The following VSTM2L variants were observed in gnomAD, a reference collection of about 807,000 sequenced individuals.
VSTM2L encodes V-set and transmembrane domain-containing protein 2-like protein.
A neutral mutation model predicts 19.9 loss-of-function variants in VSTM2L; 9 were observed. That is an observed-to-expected ratio of 0.45 (90% CI 0.27 to 0.79). The LOEUF is 0.79. VSTM2L is among the 30% of genes least tolerant of loss of function. The probability of loss-of-function intolerance (pLI) is 0.15; values close to 1 mark genes in which losing one functional copy is unlikely to be tolerated. For synonymous variants in VSTM2L, 127 were observed against 133.8 expected (o/e 0.95, Z 0.35); for missense variants, 286 against 295.5 (o/e 0.97, Z 0.24).
At chr20:37,918,161 G>A (rs1203849084) in intron 1 of VSTM2L, among the ~76,000 whole-genome samples, 1 of 152,192 alleles carries the variant, frequency 6.6e-6, no homozygotes, top group East Asian at 1.9e-4. Context: ...AGCCACACTG[G>A]AAGAATCGGC....
At chr20:37,906,878 C>T (rs1254632412) in intron 1 of VSTM2L, among the ~76,000 whole-genome samples, 4 of 152,156 alleles carry the variant, frequency 2.6e-5, no homozygotes, top group Non-Finnish European at 5.9e-5. Flanking sequence ...TAGAAACAGG[C>T]AGCTGGACTG....
At chr20:37,925,949 G>A (rs935719655) in intron 1 of VSTM2L, among the ~76,000 whole-genome samples, 2 of 152,232 alleles carry the variant, frequency 1.3e-5, no homozygotes, top group African/African-American at 4.8e-5. Context: ...ATTGCCTCCA[G>A]CTGGGTGAAA....
At position 37,944,267 on chromosome 20, in the gene VSTM2L, C is replaced by T. The variant is rs1009522072; in HGVS notation, c.*14C>T. ...TGCAGCCTCTAGACTGATGCCCCTG[C>T]CCCCGCCCATCCGCCCCCACGCTGT... On this transcript the variant is annotated 3_prime_UTR_variant, in exon 4 of 4. Transcript: ENST00000373461. 6.8e-6 allele frequency: 10 copies of T among 1,473,264 alleles called. No individual in the cohort carries two copies. The highest frequency in any genetic ancestry group is 2.8e-5 in the African/African-American group (2 of 71,172). 91.3% of individuals were successfully genotyped at this position (1,473,264 alleles called of 1,614,324 possible).
chr20:37,926,651 AC>A (rs1483112744), intron 1 of VSTM2L, among the ~76,000 whole-genome samples: 1 of 152,244 alleles, frequency 6.6e-6, no homozygotes, highest in East Asian at 1.9e-4. Context: ...CTATAGCTCT[AC>A]CAGCACAAGG....
chr20:37,931,760 A>C lies in VSTM2L; in HGVS notation c.247A>C (p.Ser83Arg). ...GGAGATCCAGTGGTGGTATGTACGGAGCCACCGGGACTGGACCGACAAGCA... is the reference window on the plus strand; with the variant it reads ...GGAGATCCAGTGGTGGTATGTACGGCGCCACCGGGACTGGACCGACAAGCA... Reference protein sequence around the residue: ...SLEIQWWYVRSHRDWTDKQAW... With the variant: ...SLEIQWWYVRRHRDWTDKQAW... The change falls in exon 2 of 4, where the codon AGC (serine) becomes CGC (arginine). Residue 83 changes from serine to arginine, a missense_variant. Transcript: ENST00000373461. The C allele has an allele frequency of 6.2e-7, 1 of 1,613,896 alleles. No individual in the cohort carries two copies. The highest frequency in any genetic ancestry group is 1.1e-5 in the South Asian group (1 of 91,070).
intron 1 of VSTM2L, among the ~76,000 whole-genome samples, chr20:37,931,371 G>A (rs2072907792): frequency 6.6e-6 from 1 of 152,164 alleles, no homozygotes; most frequent in Non-Finnish European, 1.5e-5. Flanking sequence ...GCGCCCGGCT[G>A]CTGGTGTGGC....
chr20:37,903,440 C>G lies in VSTM2L; in HGVS notation c.90C>G (p.His30Gln), dbSNP rs1248284461. 1.7e-5 allele frequency: 25 copies of G among 1,487,050 alleles called. No individual in the cohort carries two copies. In the East Asian group the frequency reaches 7.3e-4, roughly 44 times the overall value. 92.1% of individuals were successfully genotyped at this position (1,487,050 alleles called of 1,614,324 possible). ...QLGGATRPAG[H>Q]APWDNHVSGH... ...GCGGCGCCACGCGGCCCGCCGGCCA[C>G]GCGCCCTGGGACAACCACGTCTCCG... is the stretch of plus-strand genomic sequence containing the variant. The change falls in exon 1 of 4, where the codon CAC (histidine) becomes CAG (glutamine). Residue 30 changes from histidine to glutamine, a missense_variant. Transcript: ENST00000373461.
chr20:37,934,241 C>T (rs1027353689), intron 3 of VSTM2L, among the ~76,000 whole-genome samples: 1 of 152,074 alleles, frequency 6.6e-6, no homozygotes, highest in Non-Finnish European at 1.5e-5. Flanking sequence ...CAGCTGGGGC[C>T]CAGGGGAGTT....
chr20:37,920,220 G>T (rs549162894), intron 1 of VSTM2L, among the ~76,000 whole-genome samples: 1 of 152,322 alleles, frequency 6.6e-6, no homozygotes, highest in East Asian at 1.9e-4. Context: ...CTCCTGACTT[G>T]CAGTGTGACC....
chr20:37,936,669 G>A (rs1011864737), intron 3 of VSTM2L, among the ~76,000 whole-genome samples: 14 of 152,132 alleles, frequency 9.2e-5, no homozygotes, highest in Admixed American at 6.6e-4. Flanking sequence ...GGCGGGGACC[G>A]TGAGGACACA....
At chr20:37,913,687 C>A (rs2072793314) in intron 1 of VSTM2L, among the ~76,000 whole-genome samples, 1 of 152,204 alleles carries the variant, frequency 6.6e-6, no homozygotes, top group Non-Finnish European at 1.5e-5. Context: ...GGGCCTGTAT[C>A]CAGGGACTGC....
intron 3 of VSTM2L, among the ~76,000 whole-genome samples, chr20:37,943,553 A>G (rs1374456983): frequency 2.7e-5 from 4 of 150,654 alleles, no homozygotes; most frequent in Admixed American, 2.7e-4. Flanking sequence ...TGCTGTGAGG[A>G]GGCCCCGTTG....
At chr20:37,931,984 C>T (rs1285646025) in intron 2 of VSTM2L, among the ~76,000 whole-genome samples, 180 bp downstream of exon 2, 1 of 152,270 alleles carries the variant, frequency 6.6e-6, no homozygotes, top group East Asian at 1.9e-4. Context: ...ATCATGGAGG[C>T]TTATTTGGGG....
chr20:37,906,761 G>T (rs1419841873), intron 1 of VSTM2L, among the ~76,000 whole-genome samples: 1 of 152,196 alleles, frequency 6.6e-6, no homozygotes, highest in Non-Finnish European at 1.5e-5. Context: ...CGTAACCCAA[G>T]CTTTCTCCCT....
At position 37,931,642 on chromosome 20, in the gene VSTM2L, C is replaced by G. The variant is rs2072909930; in HGVS notation, c.129C>G (p.Phe43Leu). 6.2e-7 allele frequency: 1 copy of G among 1,612,430 alleles called. No individual in the cohort carries two copies. The change falls in exon 2 of 4, where the codon TTC becomes TTG. Residue 43 changes from phenylalanine (F) to leucine (L), a missense_variant. Phe to Leu is a conservative substitution (Grantham distance 22). Transcript: ENST00000373461. ...WDNHVSGHAL[F>L]TETPHDMTAR... ...CCCCTGTTTCTTGCACAGCCCTGTT[C>G]ACAGAGACACCCCATGACATGACAG...
chr20:37,912,864 CTCTCTCTCTGGG>C (rs1664910316), intron 1 of VSTM2L, among the ~76,000 whole-genome samples: 1 of 152,050 alleles, frequency 6.6e-6, no homozygotes, highest in South Asian at 2.1e-4. Flanking sequence ...CTCTCTCCCC[CTCTCTCTCTGGG>C]TCTCTCTGAT....
Position 37,944,299 on chromosome 20 carries a change from T to C in VSTM2L, c.*46T>C. The C allele has an allele frequency of 7.2e-7, 1 of 1,386,784 alleles. No individual in the cohort carries two copies. The highest frequency in any genetic ancestry group is 9.4e-7 in the Non-Finnish European group (1 of 1,067,362). 85.9% of individuals were successfully genotyped at this position (1,386,784 alleles called of 1,614,324 possible). ...CCATCCGCCCCCACGCTGTACAGAG[T>C]GCATGAGGAGCCGCCGGACCACCGG... is the stretch of plus-strand genomic sequence containing the variant. On this transcript the variant is annotated 3_prime_UTR_variant, in exon 4 of 4. Transcript: ENST00000373461.
At chr20:37,921,334 G>A (rs989814034) in intron 1 of VSTM2L, among the ~76,000 whole-genome samples, 1 of 152,218 alleles carries the variant, frequency 6.6e-6, no homozygotes, top group Non-Finnish European at 1.5e-5. Context: ...TGCAGACTTT[G>A]GATGCCGAGC....
chr20:37,908,301 G>A (rs769627884), intron 1 of VSTM2L, among the ~76,000 whole-genome samples: 4 of 152,210 alleles, frequency 2.6e-5, no homozygotes, highest in Non-Finnish European at 4.4e-5. Flanking sequence ...AGTGGGCAGG[G>A]TGAGGGGAGT....
Sources: allele counts gnomAD v4.1 joint callset (sites outside exome capture counted in the v4.1 genomes callset), GRCh38; gene constraint gnomAD v4.1.1; transcripts MANE v1.5; gene names NCBI Gene and HGNC (gene_info 2026-07-23, HGNC 2026-07-21).